Variants in FAT4 observed in about 807,000 individuals in gnomAD.
The protein encoded by FAT4 is FAT atypical cadherin 4, also known as protocadherin Fat 4.
In FAT4, 84 loss-of-function variants were observed where a neutral mutation model predicts 303.9. That is an observed-to-expected ratio of 0.28 (90% CI 0.23 to 0.33). The LOEUF (loss-of-function observed/expected upper bound fraction) is 0.33. Among genes scored for constraint, FAT4 ranks in the 10% least tolerant of loss-of-function variants. FAT4 has a pLI of 1.00. For missense variants in FAT4, 6,005 were observed against 6,146.8 expected (o/e 0.98, Z 0.77); for synonymous variants, 2,307 against 2,298.8 (o/e 1.00, Z -0.10).
rs552778328 is a variant in FAT4 at position 125,315,925 on chromosome 4, T to G, written c.-65T>G. Reference sequence around the variant, plus strand: ...CGGTTCCCCACCACCCCTTCCCCGGTGCGCAGTTGTGCTTGGACGTTTGTT... The same window carrying G: ...CGGTTCCCCACCACCCCTTCCCCGGGGCGCAGTTGTGCTTGGACGTTTGTT... On this transcript the variant is annotated 5_prime_UTR_variant, in exon 1 of 18. Transcript: ENST00000394329. Among the ~76,000 whole-genome samples, 9 of 152,254 alleles carry G rather than the reference T, an allele frequency of 5.9e-5. No individual in the cohort carries two copies. In the East Asian group the frequency reaches 1.6e-3, roughly 26 times the overall value.
chr4:125,424,802 G>A (rs905635448), intron 7 of FAT4, among the ~76,000 whole-genome samples: 2 of 152,132 alleles, frequency 1.3e-5, no homozygotes, highest in Admixed American at 6.5e-5. Flanking sequence ...ATTAACTGGC[G>A]AGAGAGTGTT....
Position 125,415,427 on chromosome 4 carries a change from C to T in FAT4, c.6464C>T (p.Ala2155Val). ...ATCAATGATAACAACCCCATCTTTG[C>T]ACAAGCTTTGTATAAAGTGGAGATT... ...LDINDNNPIF[A>V]QALYKVEINE... Residue 2155 changes from alanine (A) to valine (V), a missense_variant, in exon 6 of 18, where the codon GCA (alanine) becomes GTA (valine). Transcript: ENST00000394329. 1 of 1,614,058 alleles carries T rather than the reference C, an allele frequency of 6.2e-7. No homozygotes were observed. Among genetic ancestry groups the T allele is most frequent in the Non-Finnish European group, 8.5e-7 (1 of 1,179,984 alleles).
intron 2 of FAT4, among the ~76,000 whole-genome samples, chr4:125,337,665 C>T (rs1350837287): frequency 6.6e-6 from 1 of 151,828 alleles, no homozygotes; most frequent in Admixed American, 6.6e-5. Context: ...GTAAACACAG[C>T]CAGATATAAT....
In FAT4 at chr4:125,319,588, C is replaced by A. The variant is rs760969130; in HGVS notation, c.3177C>A (p.Asp1059Glu). The A allele has an allele frequency of 2.0e-5, 33 of 1,613,900 alleles. No homozygotes were observed. The East Asian group carries it at 6.5e-4, about 32-fold the overall frequency. ...AATTGTATATAAAAAGTGAACTGGA[C>A]CGTGAACTTCAAGACAGATATGTTT... ...DGQLYIKSEL[D>E]RELQDRYVLM... Residue 1059 changes from aspartate (D) to glutamate (E), a missense_variant, in exon 2 of 18, where the codon GAC (aspartate) becomes GAA (glutamate). Physicochemically the swap from Asp to Glu is conservative, Grantham distance 45 (BLOSUM62 2). Coordinates refer to ENST00000394329, the MANE Select transcript of FAT4 (RefSeq NM_001291303.3).
intron 8 of FAT4, among the ~76,000 whole-genome samples, chr4:125,444,262 G>A (rs1265841040): frequency 1.3e-5 from 2 of 152,134 alleles, no homozygotes; most frequent in Admixed American, 6.5e-5. Flanking sequence ...CATGGGGCCT[G>A]CTTTTGGTGA....
At chr4:125,386,964 G>T (rs965170021) in intron 2 of FAT4, among the ~76,000 whole-genome samples, 9 of 152,108 alleles carry the variant, frequency 5.9e-5, no homozygotes, top group Admixed American at 5.9e-4. Context: ...AGGCCATCAG[G>T]CATTAGATTC....
rs770160541 is a variant in FAT4 at position 125,415,671 on chromosome 4, C to G, written c.6708C>G (p.Ser2236Arg). 6 of 1,614,034 alleles carry G rather than the reference C, an allele frequency of 3.7e-6. No individual in the cohort carries two copies. Among genetic ancestry groups the G allele is most frequent in the Non-Finnish European group, 5.1e-6 (6 of 1,179,966 alleles). ...CTGTTCAGGCAACAGATCGAGGCAGCACACCCAGAACTGATACCTCCACGG... is the reference window on the plus strand; with the variant it reads ...CTGTTCAGGCAACAGATCGAGGCAGGACACCCAGAACTGATACCTCCACGG... The part of the protein sequence containing the change: ...HLTVQATDRG[S>R]TPRTDTSTVS... Residue 2236 changes from serine (S) to arginine (R), a missense_variant, in exon 6 of 18, where the codon AGC (serine) becomes AGG (arginine). Physicochemically the swap from Ser to Arg is moderately radical, Grantham distance 110. Coordinates refer to ENST00000394329, the MANE Select transcript of FAT4 (RefSeq NM_001291303.3).
At chr4:125,411,136 A>G (rs565240920) in intron 5 of FAT4, among the ~76,000 whole-genome samples, 40 of 152,190 alleles carry the variant, frequency 2.6e-4, no homozygotes, top group Non-Finnish European at 4.9e-4. Flanking sequence ...CAATGAGGTA[A>G]TATTGTCATC....
At chr4:125,330,753 A>T (rs1350030640) in intron 2 of FAT4, among the ~76,000 whole-genome samples, 1 of 152,166 alleles carries the variant, frequency 6.6e-6, no homozygotes, top group African/African-American at 2.4e-5. Flanking sequence ...TGTCCCCTTC[A>T]GTTTAGTCTA....
intron 8 of FAT4, among the ~76,000 whole-genome samples, chr4:125,440,610 T>TGTGTGTGTGAGAGAGAGAGAGAGA (rs372756130): frequency 2.6e-5 from 2 of 75,750 alleles, no homozygotes; most frequent in South Asian, 7.0e-4. Flanking sequence ...TGTGTGTGTG[T>TGTGTGTGTGAGAGAGAGAGAGAGA]GAGAGAGAGA....
intron 2 of FAT4, among the ~76,000 whole-genome samples, chr4:125,387,302 T>G (rs1399907649): frequency 6.6e-6 from 1 of 152,144 alleles, no homozygotes; most frequent in Non-Finnish European, 1.5e-5. Flanking sequence ...AAATGTGAAA[T>G]GAGGAAGAGT....
Position 125,490,881 on chromosome 4 carries a change from C to G in FAT4, c.14065C>G (p.Leu4689Val). 1 of 1,614,212 alleles carries G rather than the reference C, an allele frequency of 6.2e-7. No individual in the cohort carries two copies. Among genetic ancestry groups the G allele is most frequent in the Non-Finnish European group, 8.5e-7 (1 of 1,180,036 alleles). Residue 4689 changes from leucine (L) to valine (V), a missense_variant, in exon 18 of 18, where the codon CTA (leucine) becomes GTA (valine). By Grantham distance (32) the Leu-to-Val change is conservative (BLOSUM62 1). Coordinates refer to ENST00000394329, the MANE Select transcript of FAT4 (RefSeq NM_001291303.3). Reference sequence around the variant, plus strand: ...TGGTCAAGGTTTGAGAACCAGCTCCCTAAGCCACTCAGCATGCCCAACTCC... The same window carrying G: ...TGGTCAAGGTTTGAGAACCAGCTCCGTAAGCCACTCAGCATGCCCAACTCC... Reference protein sequence around the residue: ...SYGQGLRTSSLSHSACPTPNP... With the variant: ...SYGQGLRTSSVSHSACPTPNP...
In FAT4 at chr4:125,490,670, G is replaced by T; in HGVS notation, c.13854G>T (p.Glu4618Asp). The change falls in exon 18 of 18, where the codon GAG becomes GAT. Residue 4618 changes from glutamate (E) to aspartate (D), a missense_variant. Glu to Asp is a conservative substitution (Grantham distance 45). Coordinates refer to ENST00000394329, the MANE Select transcript of FAT4 (RefSeq NM_001291303.3). ...CCCCTTTGGCATCTCCAGAGCAGGA[G>T]ATAGAGCACTATGACATTGACAACG... ...PSAPLASPEQ[E>D]IEHYDIDNAS... The T allele has an allele frequency of 2.5e-6, 4 of 1,614,136 alleles. No homozygotes were observed. Among genetic ancestry groups the T allele is most frequent in the Non-Finnish European group, 3.4e-6 (4 of 1,180,030 alleles).
intron 15 of FAT4, among the ~76,000 whole-genome samples, chr4:125,480,950 C>T (rs971099659): frequency 2.6e-5 from 4 of 151,840 alleles, no homozygotes; most frequent in African/African-American, 4.8e-5. Context: ...ATAACTTAAG[C>T]TTCAATATTT....
intron 3 of FAT4, among the ~76,000 whole-genome samples, chr4:125,402,930 C>T (rs1734443727): frequency 6.6e-6 from 1 of 151,884 alleles, no homozygotes; most frequent in African/African-American, 2.4e-5. Flanking sequence ...ACATTTCTAG[C>T]ACTACTTATA....
chr4:125,349,967 G>A (rs145845286), intron 2 of FAT4, among the ~76,000 whole-genome samples: 54 of 151,712 alleles, frequency 3.6e-4, no homozygotes, highest in African/African-American at 1.2e-3. Context: ...TTTTGTAACT[G>A]TCGTCAGTTT....
At chr4:125,375,758 A>G (rs1733291845) in intron 2 of FAT4, among the ~76,000 whole-genome samples, 1 of 152,232 alleles carries the variant, frequency 6.6e-6, no homozygotes, top group Non-Finnish European at 1.5e-5. Context: ...ACAAGATTTT[A>G]TTAACAATCT....
In FAT4 at chr4:125,476,584, G is replaced by A. The variant is rs185784290; in HGVS notation, c.12299+328G>A. Among the ~76,000 whole-genome samples the A allele has an allele frequency of 1.1e-3, 161 of 152,208 alleles. 1 individual carries two copies. Among genetic ancestry groups the A allele is most frequent in the African/African-American group, 3.7e-3 (154 of 41,524 alleles). On this transcript the variant is annotated intron_variant, in intron 13 of 17. Coordinates refer to ENST00000394329, the MANE Select transcript of FAT4 (RefSeq NM_001291303.3). Reference sequence around the variant, plus strand: ...TAAAGACCTCAGTTCTTTCAAATGCGTTTCTAAAAGTTTACGTGAAAATTA... The same window carrying A: ...TAAAGACCTCAGTTCTTTCAAATGCATTTCTAAAAGTTTACGTGAAAATTA...
In FAT4 at chr4:125,450,334, C is replaced by G; in HGVS notation, c.9324C>G (p.Ser3108=). 6.2e-7 allele frequency: 1 copy of G among 1,614,078 alleles called. No individual in the cohort carries two copies. Among genetic ancestry groups the G allele is most frequent in the East Asian group, 2.2e-5 (1 of 44,884 alleles). Residue 3108 remains serine (S), a synonymous_variant, in exon 10 of 18, where the codon TCC becomes TCG. Coordinates refer to ENST00000394329, the MANE Select transcript of FAT4 (RefSeq NM_001291303.3). ...TCCCTGAGAGCCATAGCATTGGGTC[C>G]ATTGTCAGAACTGTTTCTGCAAGAG... ...ATIPESHSIG[S]IVRTVSARDR...
Sources: allele counts gnomAD v4.1 joint callset (sites outside exome capture counted in the v4.1 genomes callset), GRCh38; gene constraint gnomAD v4.1.1; transcripts MANE v1.5; gene names NCBI Gene and HGNC (gene_info 2026-07-23, HGNC 2026-07-21).